The following TRPC1 variants were observed in gnomAD, a reference collection of about 807,000 sequenced individuals.
TRPC1 encodes the protein transient receptor potential cation channel subfamily C member 1, also known as short transient receptor potential channel 1.
In TRPC1, 42 loss-of-function variants were observed where a neutral mutation model predicts 88.2. The ratio of observed to expected loss-of-function variants is 0.48; its 90% CI spans 0.37 to 0.62. TRPC1 has a LOEUF of 0.62. Ranked by LOEUF, TRPC1 falls within the 20% of genes least tolerant of loss-of-function variation. The probability of loss-of-function intolerance (pLI) is 0.00; values close to 1 mark genes in which losing one functional copy is unlikely to be tolerated. For missense variants in TRPC1, 699 were observed against 957.3 expected (o/e 0.73, Z 3.56); for synonymous variants, 288 against 331.8 (o/e 0.87, Z 1.43).
At chr3:142,757,051 G>T (rs966159812) in intron 4 of TRPC1, among the ~76,000 whole-genome samples, 9 of 152,106 alleles carry the variant, frequency 5.9e-5, no homozygotes, top group African/African-American at 2.2e-4. Context: ...CAAATTACAG[G>T]ATTTCATTCT....
chr3:142,760,261 G>C (rs548039321), intron 4 of TRPC1, among the ~76,000 whole-genome samples: 3 of 152,282 alleles, frequency 2.0e-5, no homozygotes, highest in Admixed American at 1.3e-4. Context: ...TGTGTATTGT[G>C]AGAGATTGGG....
chr3:142,793,133 G>C lies in TRPC1; in HGVS notation c.1581+166G>C, dbSNP rs149843142. On this transcript the variant is annotated intron_variant, in intron 9 of 12. Transcript: ENST00000476941. Reference sequence around the variant, plus strand: ...CAGCATGTTTATCTACTTTGCTTCTGGCTCAGTGATAATCCTTTGCTTTCA... The same window carrying C: ...CAGCATGTTTATCTACTTTGCTTCTCGCTCAGTGATAATCCTTTGCTTTCA... Among the ~76,000 whole-genome samples, 9 of 152,092 alleles carry C rather than the reference G, an allele frequency of 5.9e-5. 1 individual carries two copies. The highest frequency in any genetic ancestry group is 2.2e-4 in the African/African-American group (9 of 41,520).
In TRPC1 at chr3:142,729,874, C is replaced by G. The variant is rs374357243; in HGVS notation, c.172+5143C>G. 2.6e-5 allele frequency among the ~76,000 whole-genome samples: 4 copies of G among 152,120 alleles called. No homozygotes were observed. The East Asian group carries it at 7.7e-4, about 29-fold the overall frequency. On this transcript the variant is annotated intron_variant, in intron 1 of 12. Coordinates refer to ENST00000476941, the MANE Select transcript of TRPC1 (RefSeq NM_001251845.2). ...GATAAGGACTAAAAGAATTCCAGCACTGTATCAATATAGTCATGAGACTCA... is the reference window on the plus strand; with the variant it reads ...GATAAGGACTAAAAGAATTCCAGCAGTGTATCAATATAGTCATGAGACTCA...
Position 142,780,925 on chromosome 3 carries a change from C to T in TRPC1, c.856C>T (p.Leu286=). ...ARNSRELEVI[L]NHTSSDEPLD... Reference sequence around the variant, plus strand: ...GAATTCTCGTGAATTGGAAGTTATTCTAAACCATACGTCTAGTGACGAGCC... The same window carrying T: ...GAATTCTCGTGAATTGGAAGTTATTTTAAACCATACGTCTAGTGACGAGCC... Residue 286 remains leucine (L), a synonymous_variant, in exon 6 of 13, where the codon CTA becomes TTA. Coordinates refer to ENST00000476941, the MANE Select transcript of TRPC1 (RefSeq NM_001251845.2). 3.7e-6 allele frequency: 6 copies of T among 1,613,900 alleles called. No individual in the cohort carries two copies. The highest frequency in any genetic ancestry group is 5.1e-6 in the Non-Finnish European group (6 of 1,179,862).
At position 142,724,995 on chromosome 3, in the gene TRPC1, C is replaced by T. The variant is rs1469544465; in HGVS notation, c.172+264C>T. On this transcript the variant is annotated intron_variant, in intron 1 of 12. Transcript: ENST00000476941. The surrounding 1 kb of genome is among the most constrained non-coding windows in gnomAD (Gnocchi z 5.6). ...GCCTTGGGGTCCGGGGTTTAGGTAG[C>T]GCCTTGGGAGCCCCGACCCCAGCGT... Among the ~76,000 whole-genome samples the T allele has an allele frequency of 1.3e-5, 2 of 152,178 alleles. No individual in the cohort carries two copies. The highest frequency in any genetic ancestry group is 2.9e-5 in the Non-Finnish European group (2 of 68,042).
Position 142,780,746 on chromosome 3 carries a change from T to C in TRPC1, c.765-88T>C, listed in dbSNP as rs1935933079. ...TTGTGTAACACTGTCAGAATTAAAA[T>C]GTTGCTGAGTAAAAACGTTTTTAGT... On this transcript the variant is annotated intron_variant, in intron 5 of 12. Transcript: ENST00000476941. 6 of 1,280,750 alleles carry C rather than the reference T, an allele frequency of 4.7e-6. No homozygotes were observed. The East Asian group carries it at 1.3e-4, about 27-fold the overall frequency. 79.3% of individuals were successfully genotyped at this position (1,280,750 alleles called of 1,614,324 possible).
intron 5 of TRPC1, among the ~76,000 whole-genome samples, chr3:142,778,618 G>T (rs1935862673): frequency 6.6e-6 from 1 of 152,114 alleles, no homozygotes; most frequent in South Asian, 2.1e-4. Flanking sequence ...CTGTTGCAAG[G>T]TTTCTACTGG....
At chr3:142,784,253 A>G (rs1936058794) in intron 6 of TRPC1, among the ~76,000 whole-genome samples, 1 of 137,040 alleles carries the variant, frequency 7.3e-6, no homozygotes, top group African/African-American at 3.6e-5. Context: ...TTGAAATTTC[A>G]TAAATATTAT....
chr3:142,769,041 C>T (rs1935489681), intron 4 of TRPC1, among the ~76,000 whole-genome samples: 1 of 152,056 alleles, frequency 6.6e-6, no homozygotes, highest in African/African-American at 2.4e-5. Context: ...GTTACCGTTT[C>T]CTTTCAGCTT....
intron 4 of TRPC1, among the ~76,000 whole-genome samples, chr3:142,759,586 G>C (rs1935107217): frequency 6.6e-6 from 1 of 152,120 alleles, no homozygotes; most frequent in Admixed American, 6.5e-5. Flanking sequence ...TTTGTCAGAT[G>C]GGTAGATTGT....
At chr3:142,791,506 G>A (rs9815607) in intron 8 of TRPC1, among the ~76,000 whole-genome samples, 51,341 of 151,706 alleles carry the variant, frequency 0.34, 11,882 homozygotes, top group African/African-American at 0.67. Flanking sequence ...CAACTTGTCC[G>A]AAACCACACA....
At chr3:142,796,252 G>C (rs1050896872) in intron 9 of TRPC1, among the ~76,000 whole-genome samples, 2 of 151,932 alleles carry the variant, frequency 1.3e-5, no homozygotes, top group Admixed American at 6.6e-5. Flanking sequence ...ATACTAAATC[G>C]CCCCCCAGGT....
At chr3:142,727,849 G>T (rs2108004411) in intron 1 of TRPC1, among the ~76,000 whole-genome samples, 1 of 152,188 alleles carries the variant, frequency 6.6e-6, no homozygotes, top group South Asian at 2.1e-4. Flanking sequence ...CTCTCATTGA[G>T]AATTAGTGTC....
intron 4 of TRPC1, among the ~76,000 whole-genome samples, chr3:142,749,567 AT>A (rs1934679136): frequency 6.6e-6 from 1 of 152,306 alleles, no homozygotes; most frequent in East Asian, 1.9e-4. Context: ...ACTAATGTGT[AT>A]GTTTGTGTCT....
At chr3:142,733,038 A>G (rs1291729847) in intron 1 of TRPC1, among the ~76,000 whole-genome samples, 1 of 152,088 alleles carries the variant, frequency 6.6e-6, no homozygotes, top group Non-Finnish European at 1.5e-5. Context: ...ATGCTTAGCA[A>G]CCACTCTAGG....
Position 142,748,252 on chromosome 3 carries a change from T to C in TRPC1, c.430-6T>C. The C allele has an allele frequency of 6.2e-7, 1 of 1,608,784 alleles. No individual in the cohort carries two copies. Among genetic ancestry groups the C allele is most frequent in the South Asian group, 1.1e-5 (1 of 90,450 alleles). On this transcript the variant is annotated splice_region_variant and splice_polypyrimidine_tract_variant and intron_variant, in intron 3 of 12. Transcript: ENST00000476941. The stretch of plus-strand genomic sequence containing the variant: ...AACTTTGGACATTTATATAAATATT[T>C]TTCAGAAACTAATGGAACGAATTCA...
chr3:142,773,040 T>C (rs138588245), intron 4 of TRPC1, among the ~76,000 whole-genome samples: 2 of 152,172 alleles, frequency 1.3e-5, no homozygotes, highest in Admixed American at 1.3e-4. Context: ...GAGGTTTTCA[T>C]TGTACCTTAA....
chr3:142,806,565 A>ATGTT lies in TRPC1; in HGVS notation c.*332_*335dup, dbSNP rs1180811667. 2.9e-5 allele frequency: 5 copies of ATGTT among 173,270 alleles called. No individual in the cohort carries two copies. Among genetic ancestry groups the ATGTT allele is most frequent in the African/African-American group, 1.2e-4 (5 of 41,886 alleles). 10.7% of individuals were successfully genotyped at this position (173,270 alleles called of 1,614,324 possible). A position where few individuals can be genotyped will look rare whatever the true frequency, so the allele number is the denominator to read the frequency against. ...GTTATAAATGGACACATTGCCCAGAATGTTTTGTAAAATGAAGACCAGCAA... is the reference window on the plus strand; with the variant it reads ...GTTATAAATGGACACATTGCCCAGAATGTTTGTTTTGTAAAATGAAGACCAGCAA... On this transcript the variant is annotated 3_prime_UTR_variant, in exon 13 of 13. Coordinates refer to ENST00000476941, the MANE Select transcript of TRPC1 (RefSeq NM_001251845.2).
chr3:142,794,964 T>C (rs1936407743), intron 9 of TRPC1, among the ~76,000 whole-genome samples: 1 of 152,116 alleles, frequency 6.6e-6, no homozygotes, highest in Non-Finnish European at 1.5e-5. Context: ...ATTATTATTG[T>C]GTTCCATATG....
Sources: allele counts gnomAD v4.1 joint callset (sites outside exome capture counted in the v4.1 genomes callset), GRCh38; gene constraint gnomAD v4.1.1; non-coding constraint Gnocchi (gnomAD v3.1); transcripts MANE v1.5; gene names NCBI Gene and HGNC (gene_info 2026-07-23, HGNC 2026-07-21).